LARP7: variants seen among roughly 807,000 people sequenced by gnomAD.
LARP7 encodes la-related protein 7.
A neutral mutation model predicts 69.3 loss-of-function variants in LARP7; 52 were observed. That is an observed-to-expected ratio of 0.75 (90% CI 0.60 to 0.95). LARP7 has a LOEUF of 0.95. Ranked by LOEUF, LARP7 falls within the 40% of genes least tolerant of loss-of-function variation. The probability of loss-of-function intolerance (pLI) is 0.00; values close to 1 mark genes in which losing one functional copy is unlikely to be tolerated. For missense variants in LARP7, 733 were observed against 673.0 expected, an observed-to-expected ratio of 1.09 and a Z score of -0.99; for synonymous variants, 254 against 215.9, an observed-to-expected ratio of 1.18 and a Z score of -1.55.
chr4:112,646,418 T>C lies in LARP7; in HGVS notation c.270T>C (p.Ile90=). ...MKKLTTDGKL[I]ARALRSSAVV... ...AATTGACTACTGATGGGAAGTTAAT[T>C]GCCAGAGCATTGAGAAGTTCAGCTG... is the stretch of plus-strand genomic sequence containing the variant. The change falls in exon 3 of 13, where the codon ATT becomes ATC. Residue 90 remains isoleucine (I), a synonymous_variant. Coordinates refer to ENST00000344442, the MANE Select transcript of LARP7 (RefSeq NM_016648.4). 1 of 1,605,394 alleles carries C rather than the reference T, an allele frequency of 6.2e-7. No individual in the cohort carries two copies.
chr4:112,646,682 G>T lies in LARP7; in HGVS notation c.387+11G>T. On this transcript the variant is annotated intron_variant, in intron 4 of 12. Coordinates refer to ENST00000344442, the MANE Select transcript of LARP7 (RefSeq NM_016648.4). Reference sequence around the variant, plus strand: ...CGCACAGTGTATGTGGTAAGCTTAAGAACCCGGGTCCCCAGTCAGAAACTG... The same window carrying T: ...CGCACAGTGTATGTGGTAAGCTTAATAACCCGGGTCCCCAGTCAGAAACTG... 6.3e-7 allele frequency: 1 copy of T among 1,586,174 alleles called. No homozygotes were observed. Among genetic ancestry groups the T allele is most frequent in the Non-Finnish European group, 8.6e-7 (1 of 1,168,352 alleles).
At chr4:112,646,724 A>G (rs559539684) in intron 4 of LARP7, 53 bp downstream of exon 4, 2 of 1,551,844 alleles carry the variant, frequency 1.3e-6, no homozygotes, top group East Asian at 2.3e-5. Context: ...AAACAATATA[A>G]TTAAGTTAAA....
intron 1 of LARP7, chr4:112,644,363 CACTTA>C: frequency 2.0e-6 from 1 of 498,508 alleles, no homozygotes; most frequent in Non-Finnish European, 3.1e-6. Flanking sequence ...TTACACTTTT[CACTTA>C]CTGACTTAAA....
chr4:112,641,398 A>T (rs1366290690), intron 1 of LARP7, among the ~76,000 whole-genome samples: 2 of 152,162 alleles, frequency 1.3e-5, no homozygotes, highest in African/African-American at 4.8e-5. Context: ...AGGGAAAAAA[A>T]AAAAAAGAAA....
In LARP7 at chr4:112,647,704, A is replaced by G. The variant is rs750405942; in HGVS notation, c.1012A>G (p.Thr338Ala). ...TTTATTTCAAGATATAGAAATCTCT[A>G]CTGAAGAGGAAAAGGATACTGGAGA... ...SKENRDIEIS[T>A]EEEKDTGDLK... The change falls in exon 8 of 13, where the codon ACT becomes GCT. Residue 338 changes from threonine to alanine, a missense_variant. Physicochemically the swap from Thr to Ala is moderately conservative, Grantham distance 58. Coordinates refer to ENST00000344442, the MANE Select transcript of LARP7 (RefSeq NM_016648.4). 1.4e-5 allele frequency: 21 copies of G among 1,537,132 alleles called. No homozygotes were observed. Among genetic ancestry groups the G allele is most frequent in the East Asian group, 2.2e-5 (1 of 44,456 alleles).
chr4:112,644,816 A>G lies in LARP7; in HGVS notation c.147A>G (p.Ala49=). 2 of 1,608,578 alleles carry G rather than the reference A, an allele frequency of 1.2e-6. No homozygotes were observed. The highest frequency in any genetic ancestry group is 2.2e-5 in the South Asian group (2 of 90,530). Residue 49 remains alanine (A), a synonymous_variant, in exon 2 of 13, where the codon GCA becomes GCG. Transcript: ENST00000344442. ...AAGTGGACTTCTGGTTTGGGGATGC[A>G]AATCTTCACAAGGATAGATTTCTTC... ...AKQVDFWFGD[A]NLHKDRFLRE... is the part of the protein sequence containing the mutation.
At chr4:112,653,379 A>G (rs1428066375) in intron 11 of LARP7, 143 bp downstream of exon 11, 8 of 504,638 alleles carry the variant, frequency 1.6e-5, no homozygotes, top group Non-Finnish European at 2.3e-5. Flanking sequence ...GTGTGATCTC[A>G]GCTCACCGCA....
At chr4:112,638,408 ATG>A (rs1483883699) in intron 1 of LARP7, among the ~76,000 whole-genome samples, 1 of 152,198 alleles carries the variant, frequency 6.6e-6, no homozygotes, top group Non-Finnish European at 1.5e-5. Flanking sequence ...CAAGTTATCT[ATG>A]TCTTTCGTGG....
intron 8 of LARP7, chr4:112,648,665 A>G: frequency 5.1e-6 from 2 of 392,774 alleles, no homozygotes; most frequent in East Asian, 1.5e-4. Context: ...TTCCTGAACT[A>G]GTTCCCAAAG....
intron 8 of LARP7, chr4:112,648,239 G>GT (rs1560938845): frequency 1.9e-6 from 1 of 532,112 alleles, no homozygotes; most frequent in East Asian, 5.5e-5. Flanking sequence ...GTACATCCAC[G>GT]TTTAAGTGGT....
intron 2 of LARP7, among the ~76,000 whole-genome samples, chr4:112,645,985 C>A (rs1473945644): frequency 6.8e-6 from 1 of 146,144 alleles, no homozygotes; most frequent in East Asian, 2.1e-4. Flanking sequence ...GCCATTTAGA[C>A]CCTCATACAG....
chr4:112,647,175 CTAA>C (rs762154487), intron 6 of LARP7, 21 bp from the exon 7 acceptor site: 21 of 1,591,558 alleles, frequency 1.3e-5, no homozygotes, highest in African/African-American at 5.5e-5. Context: ...GTAAGATGAA[CTAA>C]TAATGATGGC....
In LARP7 at chr4:112,646,421, C is replaced by A; in HGVS notation, c.273C>A (p.Ala91=). The A allele has an allele frequency of 6.2e-7, 1 of 1,603,772 alleles. No individual in the cohort carries two copies. The highest frequency in any genetic ancestry group is 1.1e-5 in the South Asian group (1 of 90,380). The change falls in exon 3 of 13, where the codon GCC becomes GCA. Residue 91 remains alanine (A), a synonymous_variant. Transcript: ENST00000344442. Reference sequence around the variant, plus strand: ...TGACTACTGATGGGAAGTTAATTGCCAGAGCATTGAGAAGTTCAGCTGTTG... The same window carrying A: ...TGACTACTGATGGGAAGTTAATTGCAAGAGCATTGAGAAGTTCAGCTGTTG... The part of the protein sequence containing the change: ...KKLTTDGKLI[A]RALRSSAVVE...
intron 2 of LARP7, chr4:112,645,789 TAAG>T (rs1470144695): frequency 2.0e-5 from 7 of 348,968 alleles, no homozygotes; most frequent in South Asian, 4.3e-5. Flanking sequence ...ATTGCTGAGA[TAAG>T]AAGCATTGAG....
chr4:112,653,419 C>T (rs2048835412), intron 11 of LARP7, among the ~76,000 whole-genome samples, 183 bp downstream of exon 11: 1 of 152,162 alleles, frequency 6.6e-6, no homozygotes, highest in Admixed American at 6.5e-5. Flanking sequence ...AAGCAATTCT[C>T]CTGCCTCAGC....
intron 12 of LARP7, 138 bp downstream of exon 12, chr4:112,654,297 G>A: frequency 1.9e-6 from 1 of 525,484 alleles, no homozygotes; most frequent in Non-Finnish European, 3.4e-6. Flanking sequence ...CTATGTTTTA[G>A]GTTGGGAGGG....
Position 112,649,517 on chromosome 4 carries a change from C to A in LARP7, c.1143-18C>A, listed in dbSNP as rs746310620. 11 of 1,576,176 alleles carry A rather than the reference C, an allele frequency of 7.0e-6. No homozygotes were observed. The East Asian group carries it at 2.3e-4, about 33-fold the overall frequency. On this transcript the variant is annotated intron_variant, in intron 8 of 12. Transcript: ENST00000344442. ...TTTTATATTTAGTCATCTGTTATCA[C>A]CATTTCTTTCCTTGTAGGAGCGAAT...
intron 2 of LARP7, among the ~76,000 whole-genome samples, chr4:112,645,900 A>G (rs2149259915): frequency 6.6e-6 from 1 of 152,258 alleles, no homozygotes; most frequent in East Asian, 1.9e-4. Context: ...GGGTATTGCT[A>G]ATAATTTGTG....
intron 12 of LARP7, 152 bp from the exon 13 acceptor site, chr4:112,657,095 A>G (rs2048983520): frequency 2.4e-6 from 1 of 424,208 alleles, no homozygotes; most frequent in Non-Finnish European, 4.3e-6. Context: ...TAATTATCTC[A>G]TTTGTCATCT....
Sources: allele counts gnomAD v4.1 joint callset (sites outside exome capture counted in the v4.1 genomes callset), GRCh38; gene constraint gnomAD v4.1.1; transcripts MANE v1.5; gene names NCBI Gene and HGNC (gene_info 2026-07-23, HGNC 2026-07-21).